Variants in THSD7B observed in about 807,000 individuals in gnomAD.
The protein encoded by THSD7B is thrombospondin type-1 domain-containing protein 7B.
A neutral mutation model predicts 213.6 loss-of-function variants in THSD7B; 138 were observed. The ratio of observed to expected loss-of-function variants is 0.65; its 90% CI spans 0.56 to 0.74. The LOEUF (loss-of-function observed/expected upper bound fraction) is 0.74. Ranked by LOEUF, THSD7B falls within the 30% of genes least tolerant of loss-of-function variation. THSD7B has a pLI of 0.00. For synonymous variants in THSD7B, 742 were observed against 687.0 expected (o/e 1.08, Z -1.25); for missense variants, 1,931 against 1,991.5 (o/e 0.97, Z 0.58).
At chr2:137,392,057 G>A (rs1429501530) in intron 12 of THSD7B, among the ~76,000 whole-genome samples, 1 of 152,124 alleles carries the variant, frequency 6.6e-6, no homozygotes, top group Admixed American at 6.5e-5. Context: ...AGTTTCCAAA[G>A]TTCCTCTTGT....
intron 3 of THSD7B, among the ~76,000 whole-genome samples, chr2:137,076,694 T>C (rs1296942055): frequency 6.6e-6 from 1 of 152,218 alleles, no homozygotes. Flanking sequence ...CGCTGGGAGC[T>C]GTAGACCGGA....
At chr2:137,363,964 C>T (rs1478454649) in intron 12 of THSD7B, among the ~76,000 whole-genome samples, 2 of 152,152 alleles carry the variant, frequency 1.3e-5, no homozygotes, top group African/African-American at 4.8e-5. Context: ...ACCAATATCC[C>T]TGATGAACTT....
intron 5 of THSD7B, among the ~76,000 whole-genome samples, chr2:137,115,505 G>A (rs983420486): frequency 6.6e-6 from 1 of 152,202 alleles, no homozygotes; most frequent in Non-Finnish European, 1.5e-5. Flanking sequence ...TCTCCCAAGA[G>A]TCACTGTGAA....
chr2:137,349,342 T>C (rs1684958870), intron 12 of THSD7B, among the ~76,000 whole-genome samples: 1 of 151,820 alleles, frequency 6.6e-6, no homozygotes, highest in Non-Finnish European at 1.5e-5. Flanking sequence ...ATATTATCAA[T>C]TTGTGATGCT....
chr2:137,542,334 T>C (rs1376794367), intron 15 of THSD7B, among the ~76,000 whole-genome samples: 1 of 151,670 alleles, frequency 6.6e-6, no homozygotes, highest in East Asian at 1.9e-4. Context: ...CAATCAATAC[T>C]TACATATCCA....
At chr2:136,975,357 T>G (rs1419011140) in intron 2 of THSD7B, among the ~76,000 whole-genome samples, 1 of 152,200 alleles carries the variant, frequency 6.6e-6, no homozygotes, top group East Asian at 1.9e-4. Context: ...TTACTTAATT[T>G]TTGTATAAGG....
chr2:137,000,947 A>G lies in THSD7B; in HGVS notation c.140-55473A>G, dbSNP rs142993169. Among the ~76,000 whole-genome samples, 326 of 152,150 alleles carry G rather than the reference A, an allele frequency of 2.1e-3. 2 individuals carry two copies. The highest frequency in any genetic ancestry group is 7.0e-3 in the African/African-American group (292 of 41,554). On this transcript the variant is annotated intron_variant, in intron 2 of 27. Coordinates refer to ENST00000409968, the MANE Select transcript of THSD7B (RefSeq NM_001316349.2). ...TTATAAATTTGAGTAATGTTTGCTT[A>G]TTTTACTCTCATGAGAACTAAAGTG...
In THSD7B at chr2:137,115,182, C is replaced by A. The variant is rs891398350; in HGVS notation, c.1258C>A (p.Gln420Lys). The A allele has an allele frequency of 1.2e-6, 2 of 1,613,844 alleles. No homozygotes were observed. The highest frequency in any genetic ancestry group is 2.7e-5 in the African/African-American group (2 of 74,926). ...ECQVSLLLEQ[Q>K]DPHWHVTGPV... is the part of the protein sequence containing the mutation. ...CCAAGTCTCTCTCCTCCTCGAGCAGCAGGATCCCCACTGGCATGTGACGGG... is the reference window on the plus strand; with the variant it reads ...CCAAGTCTCTCTCCTCCTCGAGCAGAAGGATCCCCACTGGCATGTGACGGG... Residue 420 changes from glutamine to lysine, a missense_variant, in exon 5 of 28, where the codon CAG becomes AAG. By Grantham distance (53) the Gln-to-Lys change is moderately conservative. Coordinates refer to ENST00000409968, the MANE Select transcript of THSD7B (RefSeq NM_001316349.2).
chr2:137,274,876 T>C (rs1162002207), intron 11 of THSD7B, among the ~76,000 whole-genome samples: 2 of 152,126 alleles, frequency 1.3e-5, no homozygotes, highest in Non-Finnish European at 2.9e-5. Flanking sequence ...GTTTCCTGTT[T>C]AGCTGTTTCC....
intron 2 of THSD7B, among the ~76,000 whole-genome samples, chr2:137,035,066 T>C (rs892695349): frequency 1.3e-5 from 2 of 152,250 alleles, no homozygotes; most frequent in Admixed American, 1.3e-4. Context: ...CGTGCTACAA[T>C]GTTGTCTAGG....
At chr2:137,042,310 C>T (rs1686898197) in intron 2 of THSD7B, among the ~76,000 whole-genome samples, 1 of 152,148 alleles carries the variant, frequency 6.6e-6, no homozygotes, top group Non-Finnish European at 1.5e-5. Flanking sequence ...TCCATGTTAT[C>T]TGTAATCATT....
At chr2:137,116,975 G>A (rs1688456417) in intron 5 of THSD7B, among the ~76,000 whole-genome samples, 1 of 152,218 alleles carries the variant, frequency 6.6e-6, no homozygotes, top group South Asian at 2.1e-4. Context: ...CTGTAAGTCT[G>A]ATAGTCCAGT....
chr2:137,244,756 ATTTC>A (rs1681987842), intron 10 of THSD7B, among the ~76,000 whole-genome samples: 1 of 152,114 alleles, frequency 6.6e-6, no homozygotes, highest in Admixed American at 6.6e-5. Flanking sequence ...CAATTTTCAG[ATTTC>A]TTCCAGCTTT....
At chr2:137,154,332 G>A (rs1385434304) in intron 5 of THSD7B, among the ~76,000 whole-genome samples, 1 of 152,010 alleles carries the variant, frequency 6.6e-6, no homozygotes, top group African/African-American at 2.4e-5. Context: ...TGCCTTGCCA[G>A]CATTACCTCA....
At chr2:137,074,033 G>A (rs1034299207) in intron 3 of THSD7B, among the ~76,000 whole-genome samples, 3 of 152,050 alleles carry the variant, frequency 2.0e-5, no homozygotes, top group African/African-American at 4.8e-5. Context: ...AGTAGGTGTA[G>A]TGTGGTGCTG....
chr2:137,110,950 C>A lies in THSD7B; in HGVS notation c.1200-4174C>A, dbSNP rs977175116. Among the ~76,000 whole-genome samples the A allele has an allele frequency of 3.9e-5, 6 of 152,152 alleles. 1 individual carries two copies. The highest frequency in any genetic ancestry group is 8.8e-5 in the Non-Finnish European group (6 of 68,026). On this transcript the variant is annotated intron_variant, in intron 4 of 27. Transcript: ENST00000409968. ...GCTGTACAGGTTTCCAGCCTAGGAG[C>A]AATATATACCATATAGCCTAGGTAT...
intron 3 of THSD7B, among the ~76,000 whole-genome samples, chr2:137,089,915 G>A (rs529282535): frequency 5.3e-5 from 8 of 152,034 alleles, no homozygotes; most frequent in East Asian, 1.9e-4. Context: ...GCTGAGACAC[G>A]AGAATTCCTT....
intron 5 of THSD7B, among the ~76,000 whole-genome samples, chr2:137,142,774 A>C (rs1025110575): frequency 2.0e-5 from 3 of 152,120 alleles, no homozygotes; most frequent in Admixed American, 2.0e-4. Flanking sequence ...TGCAATTCTA[A>C]ATATGACTTG....
At chr2:137,043,621 C>T (rs1287801432) in intron 2 of THSD7B, among the ~76,000 whole-genome samples, 4 of 152,170 alleles carry the variant, frequency 2.6e-5, no homozygotes, top group Non-Finnish European at 5.9e-5. Flanking sequence ...GAAGCAGAGA[C>T]TCCTTACCTC....
Sources: allele counts gnomAD v4.1 joint callset (sites outside exome capture counted in the v4.1 genomes callset), GRCh38; gene constraint gnomAD v4.1.1; transcripts MANE v1.5; gene names NCBI Gene and HGNC (gene_info 2026-07-23, HGNC 2026-07-21).